Variants in OSTC observed in about 807,000 individuals in gnomAD.
OSTC encodes the protein oligosaccharyltransferase complex non-catalytic subunit.
Under a neutral mutation model 16.4 loss-of-function variants are expected in OSTC, and 16 were observed. The observed-to-expected ratio is 0.98, with a 90% CI of 0.66 to 1.49. OSTC has a LOEUF of 1.49. Ranked by LOEUF, OSTC falls within the 40% of genes most tolerant of loss-of-function variation. The probability of loss-of-function intolerance (pLI) is 0.00; values close to 1 mark genes in which losing one functional copy is unlikely to be tolerated. For missense variants in OSTC, 139 were observed against 186.3 expected (o/e 0.75, Z 1.48); for synonymous variants, 67 against 68.5 (o/e 0.98, Z 0.11).
intron 2 of OSTC, among the ~76,000 whole-genome samples, chr4:108,656,704 G>T (rs944499469): frequency 1.3e-5 from 2 of 152,024 alleles, no homozygotes; most frequent in Non-Finnish European, 2.9e-5. Flanking sequence ...TTTGAAACAA[G>T]AAGTTTATTA....
rs1030134746 is a variant in OSTC at position 108,657,445 on chromosome 4, T to G, written c.234-5T>G. ...TCTTTCTATGGTCATTCTTTTCTTT[T>G]CCAGAGTAAATGGACAATATATTAT... On this transcript the variant is annotated splice_region_variant and splice_polypyrimidine_tract_variant and intron_variant, in intron 2 of 3. Coordinates refer to ENST00000361564, the MANE Select transcript of OSTC (RefSeq NM_021227.4). 2 of 1,602,426 alleles carry G rather than the reference T, an allele frequency of 1.2e-6. No homozygotes were observed. Among genetic ancestry groups the G allele is most frequent in the African/African-American group, 2.7e-5 (2 of 74,466 alleles).
chr4:108,658,131 A>G (rs1726760678), intron 3 of OSTC, among the ~76,000 whole-genome samples: 1 of 151,572 alleles, frequency 6.6e-6, no homozygotes, highest in Non-Finnish European at 1.5e-5. Flanking sequence ...GGGGTTTCAC[A>G]ATGTTGACCA....
At chr4:108,666,367 T>C (rs1727001858) in intron 3 of OSTC, among the ~76,000 whole-genome samples, 1 of 152,188 alleles carries the variant, frequency 6.6e-6, no homozygotes, top group Non-Finnish European at 1.5e-5. Flanking sequence ...TTTTCTTTTC[T>C]TTACTTCCTT....
At chr4:108,663,709 T>C (rs1406649675) in intron 3 of OSTC, among the ~76,000 whole-genome samples, 1 of 152,184 alleles carries the variant, frequency 6.6e-6, no homozygotes, top group Non-Finnish European at 1.5e-5. Context: ...CACACACCTT[T>C]TTAAGATTGT....
chr4:108,658,534 G>A (rs181675283), intron 3 of OSTC, among the ~76,000 whole-genome samples: 1 of 151,806 alleles, frequency 6.6e-6, no homozygotes, highest in Admixed American at 6.6e-5. Flanking sequence ...ATCGTTTATG[G>A]CATCTTTCAT....
At chr4:108,654,081 G>A (rs1294730770) in intron 1 of OSTC, among the ~76,000 whole-genome samples, 1 of 152,192 alleles carries the variant, frequency 6.6e-6, no homozygotes, top group Non-Finnish European at 1.5e-5. Context: ...AAGAAGAGGT[G>A]TTTTTCAAGA....
At chr4:108,662,910 A>C (rs1726894105) in intron 3 of OSTC, among the ~76,000 whole-genome samples, 1 of 152,220 alleles carries the variant, frequency 6.6e-6, no homozygotes, top group Admixed American at 6.5e-5. Flanking sequence ...TGCTGAGGAC[A>C]ATGTGTAGTA....
At chr4:108,666,642 CAG>C (rs1727009557) in intron 3 of OSTC, among the ~76,000 whole-genome samples, 1 of 145,068 alleles carries the variant, frequency 6.9e-6, no homozygotes, top group South Asian at 2.2e-4. Flanking sequence ...ACCCAGGAGG[CAG>C]AGGTTGCAGT....
chr4:108,652,791 A>T (rs1248204199), intron 1 of OSTC, among the ~76,000 whole-genome samples: 1 of 152,074 alleles, frequency 6.6e-6, no homozygotes, highest in Non-Finnish European at 1.5e-5. Flanking sequence ...GTAATCCAAC[A>T]CTTTGGGAGC....
intron 2 of OSTC, 66 bp downstream of exon 2, chr4:108,655,723 T>A: frequency 8.6e-7 from 1 of 1,164,616 alleles, no homozygotes; most frequent in Non-Finnish European, 1.3e-6. Flanking sequence ...GCCCACTTAT[T>A]TAAAAATAGA....
chr4:108,660,613 G>A (rs1726832673), intron 3 of OSTC, among the ~76,000 whole-genome samples: 1 of 152,060 alleles, frequency 6.6e-6, no homozygotes. Context: ...CAATAAAAAA[G>A]ATGTCAAAAA....
chr4:108,661,004 G>C (rs1314894618), intron 3 of OSTC, among the ~76,000 whole-genome samples: 1 of 152,078 alleles, frequency 6.6e-6, no homozygotes, highest in Non-Finnish European at 1.5e-5. Flanking sequence ...ATCACTTGAG[G>C]TCAGGAGTTC....
In OSTC at chr4:108,652,287, A is replaced by T. The variant is rs572796175; in HGVS notation, c.139+1493A>T. The stretch of plus-strand genomic sequence containing the variant: ...GTTCACGAAGGTCGTTGGACAAAAA[A>T]AAAGTCATTATTCAATAATAATAAT... On this transcript the variant is annotated intron_variant, in intron 1 of 3. Transcript: ENST00000361564. The T allele has an allele frequency of 3.9e-5, 6 of 152,318 alleles. No homozygotes were observed. The East Asian group carries it at 1.2e-3, about 29-fold the overall frequency. 9.4% of individuals were successfully genotyped at this position (152,318 alleles called of 1,614,324 possible).
intron 3 of OSTC, among the ~76,000 whole-genome samples, chr4:108,664,595 ATTT>A (rs1212882686): frequency 4.2e-5 from 6 of 144,258 alleles, no homozygotes; most frequent in Non-Finnish European, 7.7e-5. Flanking sequence ...TTAATTTTTA[ATTT>A]TTTTTTTTTT....
In OSTC at chr4:108,657,648, G is replaced by C; in HGVS notation, c.431+1G>C. ...GAGTATTCATGAGAATGAAACTGCCGTAAGTTATTTGTGTAATCAGCACCT... is the reference window on the plus strand; with the variant it reads ...GAGTATTCATGAGAATGAAACTGCCCTAAGTTATTTGTGTAATCAGCACCT... On this transcript the variant is annotated splice_donor_variant, in intron 3 of 3. Transcript: ENST00000361564. LOFTEE classifies it high-confidence loss of function. 3 of 1,608,782 alleles carry C rather than the reference G, an allele frequency of 1.9e-6. No individual in the cohort carries two copies. Among genetic ancestry groups the C allele is most frequent in the South Asian group, 1.1e-5 (1 of 90,852 alleles).
chr4:108,663,348 A>G, intron 3 of OSTC: 1 of 367,668 alleles, frequency 2.7e-6, no homozygotes, highest in Non-Finnish European at 5.3e-6. Flanking sequence ...AGTAGCTGGG[A>G]CTACAGGCGC....
chr4:108,660,249 C>G (rs1009859393), intron 3 of OSTC, among the ~76,000 whole-genome samples: 3 of 152,136 alleles, frequency 2.0e-5, no homozygotes, highest in Admixed American at 6.5e-5. Flanking sequence ...GTGGTCCAAA[C>G]AGAAAATTGC....
chr4:108,667,120 A>G lies in OSTC; in HGVS notation c.432-127A>G, dbSNP rs2110390324. 4.3e-6 allele frequency: 3 copies of G among 694,538 alleles called. No homozygotes were observed. The East Asian group carries it at 8.8e-5, about 20-fold the overall frequency. 43.0% of individuals were successfully genotyped at this position (694,538 alleles called of 1,614,324 possible). ...TAAGGACCATAATAAAGAATCACGC[A>G]ATTATATTTTTGGATTGTTATTTGA... On this transcript the variant is annotated intron_variant, in intron 3 of 3. Coordinates refer to ENST00000361564, the MANE Select transcript of OSTC (RefSeq NM_021227.4).
At position 108,650,804 on chromosome 4, in the gene OSTC, G is replaced by A. The variant is rs375605749; in HGVS notation, c.139+10G>A. ...TTCCTCATCACCGGAGGTAACTCGG[G>A]CTGTCGGGCCCGAGAGGCTGAGGAG... On this transcript the variant is annotated intron_variant, in intron 1 of 3. Coordinates refer to ENST00000361564, the MANE Select transcript of OSTC (RefSeq NM_021227.4). The A allele has an allele frequency of 6.2e-7, 1 of 1,613,900 alleles. No individual in the cohort carries two copies. The highest frequency in any genetic ancestry group is 1.3e-5 in the African/African-American group (1 of 74,898).
Sources: allele counts gnomAD v4.1 joint callset (sites outside exome capture counted in the v4.1 genomes callset), GRCh38; gene constraint gnomAD v4.1.1; transcripts MANE v1.5; gene names NCBI Gene and HGNC (gene_info 2026-07-23, HGNC 2026-07-21).